The following FHIT variants were observed in gnomAD, a reference collection of about 807,000 sequenced individuals.
The protein encoded by FHIT is bis(5'-adenosyl)-triphosphatase.
FHIT carries 19 observed loss-of-function variants against 17.9 expected under a neutral mutation model. The observed-to-expected ratio is 1.06, with a 90% CI of 0.74 to 1.56. The LOEUF (loss-of-function observed/expected upper bound fraction) is 1.56, where lower values mean the gene tolerates loss of function less well. Among genes scored for constraint, FHIT ranks in the 40% most tolerant of loss-of-function variants. FHIT has a pLI of 0.00. For missense variants in FHIT, 248 were observed against 189.2 expected (o/e 1.31, Z -1.82); for synonymous variants, 81 against 69.7 (o/e 1.16, Z -0.81).
chr3:61,249,133 G>A (rs934798774), intron 1 of FHIT, among the ~76,000 whole-genome samples: 1 of 152,156 alleles, frequency 6.6e-6, no homozygotes, highest in Admixed American at 6.5e-5. Flanking sequence ...AATTAGAGGA[G>A]AAACCATTAT....
At chr3:60,341,479 T>C (rs1257993429) in intron 5 of FHIT, among the ~76,000 whole-genome samples, 1 of 152,138 alleles carries the variant, frequency 6.6e-6, no homozygotes, top group East Asian at 1.9e-4. Flanking sequence ...GAAAAATGTG[T>C]TTCTATCACA....
intron 5 of FHIT, among the ~76,000 whole-genome samples, chr3:60,249,689 GACACACACAC>G (rs59885844): frequency 2.2e-5 from 3 of 137,316 alleles, no homozygotes; most frequent in East Asian, 2.1e-4. Flanking sequence ...ATACAGCCAA[GACACACACAC>G]ACACACACAC....
At chr3:60,042,767 A>T (rs1297276783) in intron 5 of FHIT, among the ~76,000 whole-genome samples, 1 of 152,098 alleles carries the variant, frequency 6.6e-6, no homozygotes, top group Non-Finnish European at 1.5e-5. Context: ...CATAACAGAG[A>T]TGAGTAAAAA....
chr3:60,644,912 G>A (rs1441072078), intron 4 of FHIT, among the ~76,000 whole-genome samples: 3 of 152,146 alleles, frequency 2.0e-5, no homozygotes, highest in Admixed American at 2.0e-4. Context: ...GCTCCTCCTT[G>A]TGCTAGTTCT....
chr3:59,847,206 C>T (rs901758354), intron 8 of FHIT, among the ~76,000 whole-genome samples: 2 of 152,114 alleles, frequency 1.3e-5, no homozygotes, highest in Non-Finnish European at 2.9e-5. Flanking sequence ...CTGGGGCTCT[C>T]ACAATGCATA....
chr3:60,338,945 C>T (rs532521161), intron 5 of FHIT, among the ~76,000 whole-genome samples: 1 of 152,096 alleles, frequency 6.6e-6, no homozygotes, highest in Non-Finnish European at 1.5e-5. Context: ...TTTCCTTAAC[C>T]CTGAAATAGA....
At position 60,504,935 on chromosome 3, in the gene FHIT, T is replaced by C. The variant is rs1002094675; in HGVS notation, c.103+31925A>G. 5.3e-5 allele frequency among the ~76,000 whole-genome samples: 8 copies of C among 152,288 alleles called. No homozygotes were observed. In the East Asian group the frequency reaches 1.5e-3, roughly 29 times the overall value. ...CAAATTCTGACCTTTAAGTTCAAAG[T>C]GGAAGTCAAACTGCTATACGTCAGC... On this transcript the variant is annotated intron_variant, in intron 5 of 9. Transcript: ENST00000492590.
chr3:60,228,227 C>A (rs1178270111), intron 5 of FHIT, among the ~76,000 whole-genome samples: 2 of 152,108 alleles, frequency 1.3e-5, no homozygotes, highest in Admixed American at 1.3e-4. Flanking sequence ...ACTGTATGAT[C>A]CCATTTATGT....
chr3:60,791,204 T>G (rs1700765735), intron 4 of FHIT, among the ~76,000 whole-genome samples: 1 of 151,884 alleles, frequency 6.6e-6, no homozygotes, highest in Non-Finnish European at 1.5e-5. Context: ...AGCAACAACC[T>G]TTTCACCTGT....
chr3:60,884,515 C>T (rs1705124217), intron 3 of FHIT, among the ~76,000 whole-genome samples: 1 of 151,992 alleles, frequency 6.6e-6, no homozygotes, highest in African/African-American at 2.4e-5. Flanking sequence ...TATATACACA[C>T]AATGAAATAC....
chr3:60,117,537 A>C (rs1705027274), intron 5 of FHIT, among the ~76,000 whole-genome samples: 1 of 145,596 alleles, frequency 6.9e-6, no homozygotes, highest in Non-Finnish European at 1.5e-5. Context: ...TTTATCACCT[A>C]GGTAATTATA....
chr3:60,943,124 C>T (rs781926110), intron 3 of FHIT, among the ~76,000 whole-genome samples: 15 of 151,944 alleles, frequency 9.9e-5, no homozygotes, highest in Non-Finnish European at 1.8e-4. Flanking sequence ...CCAAGCTAAC[C>T]GGTTATGTGG....
chr3:61,218,093 A>T (rs1325761516), intron 1 of FHIT, among the ~76,000 whole-genome samples: 1 of 152,092 alleles, frequency 6.6e-6, no homozygotes, highest in Non-Finnish European at 1.5e-5. Context: ...CTAAGAGGGG[A>T]GGTCTGAGAG....
intron 5 of FHIT, among the ~76,000 whole-genome samples, chr3:60,148,733 G>A (rs1700341226): frequency 6.6e-6 from 1 of 152,130 alleles, no homozygotes; most frequent in South Asian, 2.1e-4. Flanking sequence ...AAGACCTTGG[G>A]ATTCTTTTAA....
chr3:60,879,784 G>C (rs546257572), intron 3 of FHIT, among the ~76,000 whole-genome samples: 1 of 151,224 alleles, frequency 6.6e-6, no homozygotes, highest in Non-Finnish European at 1.5e-5. Flanking sequence ...ACAGACTTAA[G>C]TATAGAAAAC....
At chr3:60,097,774 T>C (rs1704019328) in intron 5 of FHIT, among the ~76,000 whole-genome samples, 2 of 151,442 alleles carry the variant, frequency 1.3e-5, no homozygotes, top group African/African-American at 4.8e-5. Context: ...GCAGGTTTGT[T>C]ACATATGTAT....
At chr3:61,051,125 C>T (rs372400980) in intron 2 of FHIT, among the ~76,000 whole-genome samples, 4 of 151,892 alleles carry the variant, frequency 2.6e-5, no homozygotes, top group South Asian at 2.1e-4. Flanking sequence ...AAAAAATGTG[C>T]GTTAAAAAAA....
chr3:60,692,711 C>G lies in FHIT; in HGVS notation c.-18+129208G>C, dbSNP rs77629708. On this transcript the variant is annotated intron_variant, in intron 4 of 9. Coordinates refer to ENST00000492590, the MANE Select transcript of FHIT (RefSeq NM_002012.4). ...CCTCCCAAACTGTAAAATAATAAAT[C>G]TATGTCATTTTGAACCTCAAAGTTT... Among the ~76,000 whole-genome samples, 84 of 152,272 alleles carry G rather than the reference C, an allele frequency of 5.5e-4. No individual in the cohort carries two copies. The East Asian group carries it at 0.01, about 19-fold the overall frequency.
chr3:60,905,038 G>A (rs1357951870), intron 3 of FHIT, among the ~76,000 whole-genome samples: 2 of 151,258 alleles, frequency 1.3e-5, no homozygotes, highest in African/African-American at 4.9e-5. Flanking sequence ...TTAAACATAT[G>A]AAAATATGCT....
Sources: gnomAD v4.1 joint callset for allele counts (sites outside exome capture counted in the v4.1 genomes callset) on GRCh38, gnomAD v4.1.1 for gene constraint, MANE v1.5 for transcripts, NCBI Gene and HGNC (gene_info 2026-07-23, HGNC 2026-07-21) for gene names.